ASTN2: variants seen among roughly 807,000 people sequenced by gnomAD.
ASTN2 encodes astrotactin-2.
A neutral mutation model predicts 139.8 loss-of-function variants in ASTN2; 54 were observed. That is an observed-to-expected ratio of 0.39 (90% CI 0.31 to 0.48). The LOEUF (loss-of-function observed/expected upper bound fraction) is 0.48, where lower values mean the gene tolerates loss of function less well. Ranked by LOEUF, ASTN2 falls within the 20% of genes least tolerant of loss-of-function variation. ASTN2 has a pLI of 0.95. For synonymous variants in ASTN2, 756 were observed against 719.5 expected (o/e 1.05, Z -0.81); for missense variants, 1,565 against 1,725.1 (o/e 0.91, Z 1.64).
chr9:117,366,505 T>G (rs1268752628), intron 1 of ASTN2, among the ~76,000 whole-genome samples: 1 of 151,646 alleles, frequency 6.6e-6, no homozygotes. Flanking sequence ...GGACAAAAAT[T>G]TAAATCTTTT....
intron 1 of ASTN2, among the ~76,000 whole-genome samples, chr9:117,303,594 A>G (rs1834929075): frequency 6.6e-6 from 1 of 152,146 alleles, no homozygotes; most frequent in Non-Finnish European, 1.5e-5. Context: ...CTGCTCTGTC[A>G]TTCCTCCATG....
At chr9:117,223,585 C>G (rs1440572133) in intron 2 of ASTN2, among the ~76,000 whole-genome samples, 1 of 152,054 alleles carries the variant, frequency 6.6e-6, no homozygotes, top group Non-Finnish European at 1.5e-5. Context: ...CTATCTACGT[C>G]TTATTTTTTC....
At chr9:116,912,049 C>A (rs1030508282) in intron 10 of ASTN2, among the ~76,000 whole-genome samples, 4 of 152,218 alleles carry the variant, frequency 2.6e-5, no homozygotes, top group African/African-American at 4.8e-5. Context: ...GGAAGCTTTG[C>A]TTCTCTGTGA....
intron 1 of ASTN2, among the ~76,000 whole-genome samples, chr9:117,386,226 A>G (rs1163036143): frequency 6.6e-6 from 1 of 152,182 alleles, no homozygotes; most frequent in East Asian, 1.9e-4. Context: ...ATAGAGTTTC[A>G]TAGAAACTCT....
intron 11 of ASTN2, among the ~76,000 whole-genome samples, chr9:116,834,855 C>A (rs1344785388): frequency 6.6e-6 from 1 of 152,124 alleles, no homozygotes; most frequent in Non-Finnish European, 1.5e-5. Context: ...TGAGACTGGC[C>A]TGGGCAACAT....
chr9:116,651,670 C>T lies in ASTN2; in HGVS notation c.2930G>A (p.Cys977Tyr), dbSNP rs754358411. 1 of 1,614,192 alleles carries T rather than the reference C, an allele frequency of 6.2e-7. No homozygotes were observed. Among genetic ancestry groups the T allele is most frequent in the Non-Finnish European group, 8.5e-7 (1 of 1,180,040 alleles). Reference protein sequence around the residue: ...DQLISGVEIRCEEKGRCPSTC... With the variant: ...DQLISGVEIRYEEKGRCPSTC... ...AGATGGACAGCGCCCCTTCTCCTCA[C>T]AGCGAATCTCCACACCTGAAATGAG... is the stretch of plus-strand genomic sequence containing the variant. The change falls in exon 17 of 23, where the codon TGT (cysteine) becomes TAT (tyrosine). Residue 977 changes from cysteine to tyrosine, a missense_variant. By Grantham distance (194) the Cys-to-Tyr change is radical. This residue lies in a region of ASTN2 where 418 missense variants were observed against 465.8 expected (regional missense o/e 0.90). Transcript: ENST00000313400.
chr9:116,465,379 C>A lies in ASTN2; in HGVS notation c.3497+21980G>T, dbSNP rs191808990. Reference sequence around the variant, plus strand: ...ATGGGAGCAACTGGCTGGCTGGGTACGGTTGGGGCATCCGGCCCTGATAAG... The same window carrying A: ...ATGGGAGCAACTGGCTGGCTGGGTAAGGTTGGGGCATCCGGCCCTGATAAG... On this transcript the variant is annotated intron_variant, in intron 20 of 22. Transcript: ENST00000313400. Among the ~76,000 whole-genome samples the A allele has an allele frequency of 3.5e-3, 533 of 152,238 alleles. 2 individuals are homozygous for A. Among genetic ancestry groups the A allele is most frequent in the African/African-American group, 0.012 (511 of 41,550 alleles).
At chr9:116,537,676 C>T (rs1042951392) in intron 19 of ASTN2, among the ~76,000 whole-genome samples, 1 of 152,188 alleles carries the variant, frequency 6.6e-6, no homozygotes, top group Non-Finnish European at 1.5e-5. Flanking sequence ...AAAGACCATT[C>T]ACTGCAAATT....
At chr9:116,453,315 T>TG (rs1432271874) in intron 20 of ASTN2, among the ~76,000 whole-genome samples, 5 of 152,130 alleles carry the variant, frequency 3.3e-5, no homozygotes, top group Non-Finnish European at 5.9e-5. Context: ...TGAATAGCGC[T>TG]GGGCGTGGTG....
chr9:116,737,611 G>A (rs1259763996), intron 13 of ASTN2, among the ~76,000 whole-genome samples: 2 of 2,450 alleles, frequency 8.2e-4, no homozygotes, highest in African/African-American at 1.6e-3. Flanking sequence ...ATGTGCCAAC[G>A]TGTGTGTGTG....
intron 10 of ASTN2, among the ~76,000 whole-genome samples, chr9:116,887,830 G>A (rs1174486023): frequency 1.3e-5 from 2 of 151,940 alleles, no homozygotes; most frequent in African/African-American, 4.8e-5. Flanking sequence ...ACCACATCCA[G>A]CTAAGTTTTA....
At chr9:117,262,363 C>T (rs889764399) in intron 2 of ASTN2, among the ~76,000 whole-genome samples, 7 of 151,846 alleles carry the variant, frequency 4.6e-5, no homozygotes, top group Admixed American at 4.6e-4. Context: ...CTGAATATTC[C>T]CACCCAACAC....
At chr9:117,057,575 TATGTGAAG>T (rs758566793) in intron 5 of ASTN2, among the ~76,000 whole-genome samples, 4 of 152,208 alleles carry the variant, frequency 2.6e-5, no homozygotes, top group Non-Finnish European at 4.4e-5. Context: ...TCTATGTATA[TATGTGAAG>T]ATGTGAAGAT....
chr9:117,014,650 C>G (rs1020898972), intron 6 of ASTN2, among the ~76,000 whole-genome samples: 1 of 152,060 alleles, frequency 6.6e-6, no homozygotes, highest in Non-Finnish European at 1.5e-5. Flanking sequence ...CAGTTCTAAC[C>G]TCTAGTGTCT....
At chr9:117,200,231 C>T (rs1012669660) in intron 3 of ASTN2, among the ~76,000 whole-genome samples, 14 of 145,964 alleles carry the variant, frequency 9.6e-5, no homozygotes, top group African/African-American at 3.3e-4. Context: ...TCCCTCCCCC[C>T]TCCCCCTACC....
chr9:116,602,008 G>A (rs1854926781), intron 19 of ASTN2, among the ~76,000 whole-genome samples: 1 of 152,132 alleles, frequency 6.6e-6, no homozygotes, highest in Non-Finnish European at 1.5e-5. Flanking sequence ...AGGCTAAGTT[G>A]GTGTTAGAGA....
intron 13 of ASTN2, among the ~76,000 whole-genome samples, chr9:116,784,666 A>C (rs1472023153): frequency 6.6e-6 from 1 of 152,156 alleles, no homozygotes; most frequent in African/African-American, 2.4e-5. Flanking sequence ...TGGGGGGCTC[A>C]TGCCTGTAAT....
intron 10 of ASTN2, among the ~76,000 whole-genome samples, chr9:116,894,892 CA>C (rs1465746026): frequency 1.3e-5 from 2 of 152,168 alleles, no homozygotes; most frequent in Non-Finnish European, 2.9e-5. Context: ...TAAGGCTCCA[CA>C]ATAGATACTA....
At chr9:117,018,587 T>A (rs73657617) in intron 6 of ASTN2, among the ~76,000 whole-genome samples, 8,002 of 152,148 alleles carry the variant, frequency 0.053, 519 homozygotes, top group African/African-American at 0.16. Flanking sequence ...CTGTCTGGAA[T>A]TGGCTTCACT....
Sources: gnomAD v4.1 joint callset for allele counts (sites outside exome capture counted in the v4.1 genomes callset) on GRCh38, gnomAD v4.1.1 for gene constraint, gnomAD v4.1.1 regional missense constraint, MANE v1.5 for transcripts, NCBI Gene and HGNC (gene_info 2026-07-23, HGNC 2026-07-21) for gene names.